The following TNIK variants were observed in gnomAD, a reference collection of about 807,000 sequenced individuals.
The protein encoded by TNIK is TRAF2 and NCK interacting kinase, also known as TRAF2 and NCK-interacting protein kinase.
In TNIK, 49 loss-of-function variants were observed where a neutral mutation model predicts 191.3. That is an observed-to-expected ratio of 0.26 (90% confidence interval 0.20 to 0.32). TNIK has a LOEUF of 0.32. TNIK is among the 10% of genes least tolerant of loss of function. TNIK has a pLI of 1.00. For synonymous variants in TNIK, 594 were observed against 600.9 expected (o/e 0.99, Z 0.17); for missense variants, 1,155 against 1,702.3 (o/e 0.68, Z 5.66).
intron 2 of TNIK, among the ~76,000 whole-genome samples, chr3:171,322,316 A>T (rs1027555040): frequency 2.0e-5 from 3 of 152,118 alleles, no homozygotes; most frequent in African/African-American, 7.2e-5. Context: ...ATTAATTTTA[A>T]TTTCACAAAT....
intron 1 of TNIK, among the ~76,000 whole-genome samples, chr3:171,446,965 C>T (rs1037424280): frequency 5.9e-5 from 9 of 152,056 alleles, no homozygotes; most frequent in Admixed American, 2.0e-4. Flanking sequence ...CTGAGGCGGG[C>T]GGATCACCTG....
intron 2 of TNIK, among the ~76,000 whole-genome samples, chr3:171,273,020 T>A (rs77883847): frequency 2.6e-5 from 4 of 152,220 alleles, no homozygotes; most frequent in Non-Finnish European, 5.9e-5. Context: ...GGTCAGGACA[T>A]CTGATGTATG....
intron 4 of TNIK, among the ~76,000 whole-genome samples, chr3:171,207,659 G>A (rs920787958): frequency 5.9e-5 from 9 of 152,166 alleles, no homozygotes; most frequent in African/African-American, 1.9e-4. Flanking sequence ...CATTCTCTAC[G>A]TGTCATCTGC....
At chr3:171,168,736 G>A (rs1734922759) in intron 9 of TNIK, among the ~76,000 whole-genome samples, 1 of 152,206 alleles carries the variant, frequency 6.6e-6, no homozygotes. Flanking sequence ...GACACTCTGT[G>A]CACCTCCTTG....
chr3:171,390,646 T>C (rs370810676), intron 1 of TNIK, among the ~76,000 whole-genome samples: 1 of 152,252 alleles, frequency 6.6e-6, no homozygotes, highest in South Asian at 2.1e-4. Flanking sequence ...AAGAACATGA[T>C]GCTGGGTGAT....
chr3:171,406,804 C>T (rs948996891), intron 1 of TNIK, among the ~76,000 whole-genome samples: 18 of 152,224 alleles, frequency 1.2e-4, no homozygotes, highest in Admixed American at 6.5e-4. Context: ...GAGGATGTGT[C>T]CCCATCTTAC....
At chr3:171,242,625 T>C (rs1454706428) in intron 2 of TNIK, among the ~76,000 whole-genome samples, 1 of 152,134 alleles carries the variant, frequency 6.6e-6, no homozygotes, top group Non-Finnish European at 1.5e-5. Context: ...AAATTGGCGC[T>C]CATATAAGCA....
chr3:171,406,172 AC>A (rs1468679824), intron 1 of TNIK, among the ~76,000 whole-genome samples: 2 of 149,358 alleles, frequency 1.3e-5, no homozygotes, highest in African/African-American at 5.0e-5. Flanking sequence ...GAAAAAAAAA[AC>A]CAGAGCACCT....
chr3:171,101,771 T>C (rs1723610575), intron 21 of TNIK, 138 bp from the exon 22 acceptor site: 3 of 755,366 alleles, frequency 4.0e-6, no homozygotes, highest in Admixed American at 3.1e-5. Context: ...AGTTACTGCA[T>C]GGAACTAAGA....
At chr3:171,083,387 A>G (rs1023226541) in intron 26 of TNIK, among the ~76,000 whole-genome samples, 6 of 152,122 alleles carry the variant, frequency 3.9e-5, no homozygotes, top group African/African-American at 7.2e-5. Context: ...TAACATCTCA[A>G]ATGCTTTCAG....
intron 3 of TNIK, among the ~76,000 whole-genome samples, chr3:171,213,177 G>T (rs915552074): frequency 6.6e-6 from 1 of 152,046 alleles, no homozygotes; most frequent in African/African-American, 2.4e-5. Context: ...GGTCCCTACA[G>T]CGCACCTCCA....
intron 7 of TNIK, among the ~76,000 whole-genome samples, chr3:171,183,229 C>T (rs760351285): frequency 2.6e-5 from 4 of 152,158 alleles, no homozygotes; most frequent in African/African-American, 4.8e-5. Context: ...CTTGATCTCC[C>T]GTTCTCTATT....
chr3:171,357,289 AT>A (rs113929884), intron 2 of TNIK, among the ~76,000 whole-genome samples: 4,364 of 143,696 alleles, frequency 0.03, 84 homozygotes, highest in Non-Finnish European at 0.042. Flanking sequence ...ACTCAGCAGA[AT>A]TTTTTTTTTT....
intron 1 of TNIK, among the ~76,000 whole-genome samples, chr3:171,418,876 A>AG (rs2108624063): frequency 6.6e-6 from 1 of 152,318 alleles, no homozygotes; most frequent in African/African-American, 2.4e-5. Context: ...ACAGAACTTT[A>AG]CTGTCTTACA....
intron 1 of TNIK, among the ~76,000 whole-genome samples, chr3:171,426,299 G>T (rs183484147): frequency 2.7e-5 from 4 of 150,600 alleles, no homozygotes; most frequent in African/African-American, 9.8e-5. Flanking sequence ...GCAAACTATC[G>T]CAAGGACAAA....
intron 2 of TNIK, among the ~76,000 whole-genome samples, chr3:171,322,834 CTTTTCT>C (rs1189299539): frequency 2.8e-5 from 3 of 109,006 alleles, no homozygotes; most frequent in South Asian, 5.9e-4. Context: ...TTGTTGTTTT[CTTTTCT>C]TTTTTTTTTT....
chr3:171,124,969 A>T (rs1387229284), intron 17 of TNIK, among the ~76,000 whole-genome samples: 2 of 152,180 alleles, frequency 1.3e-5, no homozygotes, highest in African/African-American at 4.8e-5. Flanking sequence ...CTGCTTCCAC[A>T]AAGAATCTCA....
chr3:171,455,261 T>A (rs928996622), intron 1 of TNIK, among the ~76,000 whole-genome samples: 5 of 151,452 alleles, frequency 3.3e-5, no homozygotes, highest in African/African-American at 9.7e-5. Context: ...TTAGTCTTCT[T>A]TTTTTTTTCT....
At chr3:171,309,214 GCATC>G (rs1313020085) in intron 2 of TNIK, among the ~76,000 whole-genome samples, 1 of 152,092 alleles carries the variant, frequency 6.6e-6, no homozygotes, top group African/African-American at 2.4e-5. Flanking sequence ...GGAATACTAT[GCATC>G]CATGAGAAAG....
Sources: gnomAD v4.1 joint callset for allele counts (sites outside exome capture counted in the v4.1 genomes callset) on GRCh38, gnomAD v4.1.1 for gene constraint, MANE v1.5 for transcripts, NCBI Gene and HGNC (gene_info 2026-07-23, HGNC 2026-07-21) for gene names.